Variants in LNX1 observed in about 807,000 individuals in gnomAD.
LNX1 encodes the protein ligand of numb-protein X 1.
Under a neutral mutation model 68.4 loss-of-function variants are expected in LNX1, and 54 were observed. That is an observed-to-expected ratio of 0.79 (90% CI 0.63 to 0.99). LNX1 has a LOEUF of 0.99. Ranked by LOEUF, LNX1 falls within the 50% of genes least tolerant of loss-of-function variation. The pLI is 0.00. For synonymous variants in LNX1, 336 were observed against 350.0 expected, an observed-to-expected ratio of 0.96 and a Z score of 0.45; for missense variants, 906 against 926.4, an observed-to-expected ratio of 0.98 and a Z score of 0.29.
chr4:53,594,021 A>G (rs1466204419), upstream of LNX1: 3 of 139,658 alleles, frequency 2.1e-5, no homozygotes, highest in African/African-American at 5.1e-5. Flanking sequence ...CTTACCCATT[A>G]TTCAGAAGGA....
rs758485876 is a variant in LNX1 at position 53,461,449 on chromosome 4, A to G, written c.2037T>C (p.Asn679=). The G allele has an allele frequency of 3.8e-5, 61 of 1,608,562 alleles. No individual in the cohort carries two copies. Among genetic ancestry groups the G allele is most frequent in the Non-Finnish European group, 5.2e-5 (61 of 1,177,240 alleles). The stretch of plus-strand genomic sequence containing the variant: ...ATTATTATTACCTAATTCTTCCATC[A>G]TTGTATGCTGGTGTTCCTTCAACAA... ...KSIVEGTPAY[N]DGRIRCGDIL... is the part of the protein sequence containing the mutation. The change falls in exon 10 of 11, where the codon AAT becomes AAC. Residue 679 remains asparagine, a synonymous_variant. Coordinates refer to ENST00000263925, the MANE Select transcript of LNX1 (RefSeq NM_001126328.3).
chr4:53,646,924 G>A (rs1263741671), intron 1 of LNX1, among the ~76,000 whole-genome samples: 1 of 152,230 alleles, frequency 6.6e-6, no homozygotes, highest in Non-Finnish European at 1.5e-5. Flanking sequence ...TTGCCCGGGA[G>A]TTGAAATGAA....
intron 2 of LNX1, among the ~76,000 whole-genome samples, chr4:53,563,791 C>T (rs1327227246): frequency 1.3e-5 from 2 of 152,202 alleles, no homozygotes; most frequent in Admixed American, 6.5e-5. Flanking sequence ...CCTCGGCCTC[C>T]CAAAGTGCTG....
At chr4:53,508,262 T>G in intron 2 of LNX1, 35 bp from the exon 3 acceptor site, 1 of 1,600,606 alleles carries the variant, frequency 6.2e-7, no homozygotes, top group Non-Finnish European at 8.5e-7. Flanking sequence ...GAAGAAGAGC[T>G]TTGGCTCTGC....
rs1313419686 is a variant in LNX1 at position 53,537,740 on chromosome 4, C to T, written c.381-29513G>A. Reference sequence around the variant, plus strand: ...TCATTAGGCTGTGCCCCGAGTTCCACAGGAGCCTACCCAAACCACACCCTG... The same window carrying T: ...TCATTAGGCTGTGCCCCGAGTTCCATAGGAGCCTACCCAAACCACACCCTG... On this transcript the variant is annotated intron_variant, in intron 2 of 10. Coordinates refer to ENST00000263925, the MANE Select transcript of LNX1 (RefSeq NM_001126328.3). Among the ~76,000 whole-genome samples the T allele has an allele frequency of 3.3e-5, 5 of 152,194 alleles. No homozygotes were observed. In the East Asian group the frequency reaches 9.6e-4, roughly 29 times the overall value.
Position 53,573,898 on chromosome 4 carries a change from C to T in LNX1, c.105G>A (p.Val35=), listed in dbSNP as rs1367992485. 2 of 1,613,644 alleles carry T rather than the reference C, an allele frequency of 1.2e-6. No individual in the cohort carries two copies. Among genetic ancestry groups the T allele is most frequent in the Non-Finnish European group, 1.7e-6 (2 of 1,179,842 alleles). The change falls in exon 2 of 11, where the codon GTG becomes GTA. Residue 35 remains valine (V), a synonymous_variant. Coordinates refer to ENST00000263925, the MANE Select transcript of LNX1 (RefSeq NM_001126328.3). Reference sequence around the variant, plus strand: ...AGATGTGGCAGATGAGGTCATCATCCACTTCCTCTGGATAGCTGTAGAAGT... The same window carrying T: ...AGATGTGGCAGATGAGGTCATCATCTACTTCCTCTGGATAGCTGTAGAAGT... ...ENHFYSYPEE[V]DDDLICHICL...
chr4:53,542,841 C>A (rs1051725274), intron 2 of LNX1, among the ~76,000 whole-genome samples: 1 of 152,088 alleles, frequency 6.6e-6, no homozygotes, highest in Non-Finnish European at 1.5e-5. Flanking sequence ...CCGGTAAGAA[C>A]CCCCCTCTCC....
chr4:53,616,771 C>T (rs1733696253), intron 1 of LNX1, among the ~76,000 whole-genome samples: 1 of 152,098 alleles, frequency 6.6e-6, no homozygotes, highest in African/African-American at 2.4e-5. Flanking sequence ...ATTTTGATTT[C>T]CATAAAGGAA....
intron 1 of LNX1, among the ~76,000 whole-genome samples, chr4:53,630,139 T>C (rs1734215971): frequency 6.6e-6 from 1 of 152,084 alleles, no homozygotes; most frequent in Non-Finnish European, 1.5e-5. Context: ...AGTTTTCCCT[T>C]TACCCTGTGC....
intron 4 of LNX1, among the ~76,000 whole-genome samples, chr4:53,503,282 T>G (rs1394621983): frequency 6.6e-5 from 10 of 152,176 alleles, no homozygotes; most frequent in Non-Finnish European, 8.8e-5. Context: ...TTCCAGAAGG[T>G]TTTCAATTTT....
intron 2 of LNX1, chr4:53,558,006 T>C (rs368582943): frequency 1.4e-5 from 22 of 1,611,488 alleles, no homozygotes; most frequent in Non-Finnish European, 1.9e-5. Flanking sequence ...CCACCTTCTG[T>C]CAGCTACAAG....
intron 2 of LNX1, among the ~76,000 whole-genome samples, chr4:53,552,787 C>T (rs555543794): frequency 6.0e-5 from 9 of 149,210 alleles, no homozygotes; most frequent in African/African-American, 2.0e-4. Flanking sequence ...CAAGATGATG[C>T]CACTGTATTC....
At chr4:53,615,590 A>G (rs775490837) in intron 2 of LNX1, among the ~76,000 whole-genome samples, 1 of 152,186 alleles carries the variant, frequency 6.6e-6, no homozygotes, top group Non-Finnish European at 1.5e-5. Context: ...ATGAAAACCC[A>G]TAGAGGAAGA....
intron 2 of LNX1, among the ~76,000 whole-genome samples, chr4:53,521,694 G>A (rs182752048): frequency 2.0e-5 from 3 of 151,856 alleles, no homozygotes; most frequent in East Asian, 1.9e-4. Flanking sequence ...TTATGCAAAC[G>A]AAGGGGGAAA....
At chr4:53,507,918 T>C in intron 3 of LNX1, 68 bp downstream of exon 3, 1 of 1,544,886 alleles carries the variant, frequency 6.5e-7, no homozygotes, top group Non-Finnish European at 8.8e-7. Context: ...CTTTCCACAG[T>C]AAGTATTCCA....
intron 8 of LNX1, 28 bp from the exon 9 acceptor site, chr4:53,477,009 T>A: frequency 6.3e-7 from 1 of 1,578,178 alleles, no homozygotes; most frequent in Non-Finnish European, 8.7e-7. Flanking sequence ...AGAAGCTATC[T>A]TTAGTGAGAG....
chr4:53,588,220 A>T (rs1250762412), intron 1 of LNX1, among the ~76,000 whole-genome samples: 2 of 152,230 alleles, frequency 1.3e-5, no homozygotes, highest in Non-Finnish European at 2.9e-5. Context: ...GCAAAGAAAT[A>T]TTAAGGAACT....
chr4:53,569,600 T>C (rs1730983813), intron 2 of LNX1, among the ~76,000 whole-genome samples: 1 of 150,042 alleles, frequency 6.7e-6, no homozygotes, highest in Non-Finnish European at 1.5e-5. Flanking sequence ...GACATAGGCA[T>C]GGGCAAGGAC....
chr4:53,615,005 A>C (rs1304292806), intron 2 of LNX1, among the ~76,000 whole-genome samples: 2 of 152,192 alleles, frequency 1.3e-5, no homozygotes, highest in East Asian at 3.8e-4. Flanking sequence ...GAATGAGAAT[A>C]AAATATATTT....
Sources: allele counts gnomAD v4.1 joint callset (sites outside exome capture counted in the v4.1 genomes callset), GRCh38; gene constraint gnomAD v4.1.1; transcripts MANE v1.5; gene names NCBI Gene and HGNC (gene_info 2026-07-23, HGNC 2026-07-21).